Variants in SMARCD3 observed in about 807,000 individuals in gnomAD.
SMARCD3 encodes the protein SWI/SNF-related matrix-associated actin-dependent regulator of chromatin subfamily D member 3.
Under a neutral mutation model 58.0 loss-of-function variants are expected in SMARCD3, and 14 were observed. The ratio of observed to expected loss-of-function variants is 0.24; its 90% CI spans 0.16 to 0.38. The LOEUF (loss-of-function observed/expected upper bound fraction) is 0.38, where lower values mean the gene tolerates loss of function less well. Ranked by LOEUF, SMARCD3 falls within the 10% of genes least tolerant of loss-of-function variation. SMARCD3 has a pLI of 1.00. For missense variants in SMARCD3, 408 were observed against 636.9 expected (o/e 0.64, Z 3.87); for synonymous variants, 253 against 253.8 (o/e 1.00, Z 0.03).
upstream of SMARCD3, among the ~76,000 whole-genome samples, chr7:151,250,131 G>T (rs1011109007): frequency 6.6e-6 from 1 of 152,082 alleles, no homozygotes; most frequent in Non-Finnish European, 1.5e-5. Flanking sequence ...TGCCCAGGGG[G>T]TCCTTTCTGC....
At chr7:151,274,912 T>C (rs547393930) in intron 2 of SMARCD3, among the ~76,000 whole-genome samples, 68 of 151,818 alleles carry the variant, frequency 4.5e-4, no homozygotes, top group Non-Finnish European at 7.1e-4. Context: ...GAGTGTGGGA[T>C]GGAGGGAAGG....
At chr7:151,249,251 G>C (rs956558519), upstream of SMARCD3, 1 of 152,088 alleles carries the variant, frequency 6.6e-6, no homozygotes, top group Non-Finnish European at 1.5e-5. The surrounding 1 kb of genome is among the most constrained non-coding windows in gnomAD (Gnocchi z 4.8). Context: ...GGGTGTGCCC[G>C]GGCGGCGGCG....
In SMARCD3 at chr7:151,273,310, A is replaced by G. The variant is rs137906822; in HGVS notation, c.39+1804T>C. Among the ~76,000 whole-genome samples, 864 of 152,172 alleles carry G rather than the reference A, an allele frequency of 5.7e-3. 5 individuals carry two copies. Among genetic ancestry groups the G allele is most frequent in the African/African-American group, 0.02 (832 of 41,520 alleles). ...CCTCTGCCCTCCTTCCCCTGTGCCCATCCTGCAGTGACCCTTCAGGAAAGG... is the reference window on the plus strand; with the variant it reads ...CCTCTGCCCTCCTTCCCCTGTGCCCGTCCTGCAGTGACCCTTCAGGAAAGG... On this transcript the variant is annotated intron_variant, in intron 2 of 13. Coordinates refer to the SMARCD3 transcript ENST00000356800.
intron 2 of SMARCD3, among the ~76,000 whole-genome samples, chr7:151,265,111 G>A (rs1804041581): frequency 1.3e-5 from 2 of 152,194 alleles, no homozygotes; most frequent in Non-Finnish European, 2.9e-5. Context: ...GGGTTGAACT[G>A]TGTCCCCCAA....
chr7:151,243,861 C>T lies in SMARCD3; in HGVS notation c.291-160G>A, dbSNP rs1371209375. The stretch of plus-strand genomic sequence containing the variant: ...GGGCTGTGACGGTGGTGTGTGGAAC[C>T]GGTGCTCTGTCCTCTCTCAGGACAC... On this transcript the variant is annotated intron_variant, in intron 2 of 12. Coordinates refer to ENST00000262188, the MANE Select transcript of SMARCD3 (RefSeq NM_001003801.2). This position sits in a 1 kb window ranked among gnomAD's most constrained non-coding sequence, Gnocchi z 4.4. 3.9e-5 allele frequency among the ~76,000 whole-genome samples: 6 copies of T among 152,106 alleles called. No individual in the cohort carries two copies. The highest frequency in any genetic ancestry group is 2.9e-5 in the Non-Finnish European group (2 of 68,022).
chr7:151,242,387 G>T lies in SMARCD3; in HGVS notation c.579+94C>A. On this transcript the variant is annotated intron_variant, in intron 5 of 12. Transcript: ENST00000262188. This position sits in a 1 kb window ranked among gnomAD's most constrained non-coding sequence, Gnocchi z 4.7. ...CCTGCCCCTCCACCCAGCCTGGGCT[G>T]ACTCCCTAGCCCTTAGTGCAGACAC... 6.5e-7 allele frequency: 1 copy of T among 1,533,766 alleles called. No individual in the cohort carries two copies. Among genetic ancestry groups the T allele is most frequent in the Non-Finnish European group, 9.0e-7 (1 of 1,116,348 alleles).
At chr7:151,240,022 G>A in intron 10 of SMARCD3, 90 bp downstream of exon 10, 1 of 1,288,038 alleles carries the variant, frequency 7.8e-7, no homozygotes, top group Admixed American at 1.8e-5. Context: ...AACCCAGACT[G>A]CTCATCTGCA....
In SMARCD3 at chr7:151,242,064, C is replaced by T; in HGVS notation, c.675+73G>A. On this transcript the variant is annotated intron_variant, in intron 6 of 12. Coordinates refer to ENST00000262188, the MANE Select transcript of SMARCD3 (RefSeq NM_001003801.2). This position sits in a 1 kb window ranked among gnomAD's most constrained non-coding sequence, Gnocchi z 4.7. ...CTCTAGGGTGGTCCCTGACCCAAAT[C>T]TGTGCTGGTTCTTCAGGGATTCTGG... The T allele has an allele frequency of 6.5e-7, 1 of 1,541,040 alleles. No homozygotes were observed. The highest frequency in any genetic ancestry group is 9.0e-7 in the Non-Finnish European group (1 of 1,114,032).
At position 151,238,957 on chromosome 7, in the gene SMARCD3, A is replaced by G. The variant is rs546586893; in HGVS notation, c.*146T>C. On this transcript the variant is annotated 3_prime_UTR_variant, in exon 13 of 13. Transcript: ENST00000262188. ...CTCCCCCTCCCCTCCCCAGTTTCCA[A>G]TGACCACACGGCTGCTGTCAGATGA... 4.4e-5 allele frequency: 48 copies of G among 1,090,614 alleles called. No individual in the cohort carries two copies. The highest frequency in any genetic ancestry group is 5.5e-4 in the Middle Eastern group (2 of 3,620). 67.6% of individuals were successfully genotyped at this position (1,090,614 alleles called of 1,614,324 possible).
At chr7:151,264,240 G>A (rs2150611728) in intron 2 of SMARCD3, among the ~76,000 whole-genome samples, 1 of 152,058 alleles carries the variant, frequency 6.6e-6, no homozygotes, top group Admixed American at 6.5e-5. Context: ...TATATTTTTA[G>A]TAGAGACAGG....
intron 2 of SMARCD3, among the ~76,000 whole-genome samples, chr7:151,271,669 T>A (rs1795179155): frequency 6.6e-6 from 1 of 152,114 alleles, no homozygotes; most frequent in African/African-American, 2.4e-5. Context: ...TAGAGAGTAT[T>A]TCCTGGCCAG....
At chr7:151,251,950 GCCCGCGCCGGTC>G (rs1018249489), upstream of SMARCD3, among the ~76,000 whole-genome samples, 3 of 148,166 alleles carry the variant, frequency 2.0e-5, no homozygotes, top group Non-Finnish European at 3.0e-5. Flanking sequence ...CCCTCCCTCC[GCCCGCGCCGGTC>G]CCCGGCCTGG....
chr7:151,244,247 T>TA (rs1400466673), intron 2 of SMARCD3, among the ~76,000 whole-genome samples: 3 of 151,866 alleles, frequency 2.0e-5, no homozygotes, highest in Admixed American at 6.6e-5. Context: ...GGGCTGGGGG[T>TA]ACTCATGCCC....
chr7:151,260,494 C>A (rs1486447465), intron 2 of SMARCD3, among the ~76,000 whole-genome samples: 1 of 151,742 alleles, frequency 6.6e-6, no homozygotes, highest in Non-Finnish European at 1.5e-5. Context: ...TAGCCAAAAA[C>A]AAGAAAAAAA....
At chr7:151,258,395 T>C (rs1265264478) in intron 2 of SMARCD3, among the ~76,000 whole-genome samples, 1 of 151,606 alleles carries the variant, frequency 6.6e-6, no homozygotes, top group Non-Finnish European at 1.5e-5. Context: ...TGAAACCCCG[T>C]CTCTACTAAA....
rs1159455869 is a variant in SMARCD3 at position 151,239,735 on chromosome 7, C to A, written c.1185G>T (p.Thr395=). The change falls in exon 11 of 13, where the codon ACG becomes ACT. Residue 395 remains threonine (T), a synonymous_variant. Transcript: ENST00000262188. This position sits in a 1 kb window ranked among gnomAD's most constrained non-coding sequence, Gnocchi z 7.0. The stretch of plus-strand genomic sequence containing the variant: ...TCTTGAGCTGGTTTATGGACTCAAT[C>A]GTCTCATGGATCTGCAGGTAGAAAG... ...ISALDSKIHE[T]IESINQLKIQ... 1.9e-6 allele frequency: 3 copies of A among 1,613,784 alleles called. No individual in the cohort carries two copies. Among genetic ancestry groups the A allele is most frequent in the Non-Finnish European group, 2.5e-6 (3 of 1,179,938 alleles).
In SMARCD3 at chr7:151,239,630, G is replaced by T; in HGVS notation, c.1290C>A (p.Asp430Glu). The T allele has an allele frequency of 4.3e-6, 7 of 1,614,048 alleles. No individual in the cohort carries two copies. Among genetic ancestry groups the T allele is most frequent in the Non-Finnish European group, 5.9e-6 (7 of 1,180,020 alleles). Residue 430 changes from aspartate to glutamate, a missense_variant, in exon 11 of 13, where the codon GAC becomes GAA. By Grantham distance (45) the Asp-to-Glu change is conservative. Around this residue, in one of 4 missense-constraint regions of SMARCD3, gnomAD observed 81 missense variants for 109.7 expected, o/e 0.74. Transcript: ENST00000262188. The surrounding 1 kb of genome is among the most constrained non-coding windows in gnomAD (Gnocchi z 7.0). The stretch of plus-strand genomic sequence containing the variant: ...CCTGAGTCTCCCTCTTCACCTTGAG[G>T]TCCCGGCTCTGGGAGCGGAGCAGGT... ...VQDLLRSQSRDLKVMTDVAGN... is the reference protein window; with the variant it reads ...VQDLLRSQSRELKVMTDVAGN...
upstream of SMARCD3, among the ~76,000 whole-genome samples, chr7:151,253,316 C>G (rs566153763): frequency 3.3e-5 from 5 of 152,298 alleles, no homozygotes; most frequent in South Asian, 1.0e-3. Flanking sequence ...CCGTCCTCCC[C>G]TCAGAGTAGC....
chr7:151,274,756 G>A (rs1795289472), intron 2 of SMARCD3, among the ~76,000 whole-genome samples: 2 of 152,242 alleles, frequency 1.3e-5, no homozygotes, highest in Non-Finnish European at 2.9e-5. Flanking sequence ...TGGCTGTCTA[G>A]GTGGGGAGGA....
Sources: allele counts gnomAD v4.1 joint callset (sites outside exome capture counted in the v4.1 genomes callset), GRCh38; gene constraint gnomAD v4.1.1; regional missense constraint gnomAD v4.1.1; non-coding constraint Gnocchi (gnomAD v3.1); transcripts MANE v1.5; gene names NCBI Gene and HGNC (gene_info 2026-07-23, HGNC 2026-07-21).